The following SH3GL2 variants were observed in gnomAD, a reference collection of about 807,000 sequenced individuals.
The protein encoded by SH3GL2 is endophilin-A1.
A neutral mutation model predicts 46.0 loss-of-function variants in SH3GL2; 24 were observed. The ratio of observed to expected loss-of-function variants is 0.52; its 90% CI spans 0.38 to 0.73. SH3GL2 has a LOEUF of 0.73. Ranked by LOEUF, SH3GL2 falls within the 30% of genes least tolerant of loss-of-function variation. The pLI is 0.00. For synonymous variants in SH3GL2, 196 were observed against 147.1 expected, an observed-to-expected ratio of 1.33 and a Z score of -2.40; for missense variants, 413 against 424.2, an observed-to-expected ratio of 0.97 and a Z score of 0.23.
intron 1 of SH3GL2, among the ~76,000 whole-genome samples, chr9:17,647,018 T>A (rs1819835843): frequency 6.6e-6 from 1 of 151,902 alleles, no homozygotes; most frequent in South Asian, 2.1e-4. Flanking sequence ...GAGATGGGAG[T>A]TTTATCTATA....
chr9:17,684,778 A>G (rs975060731), intron 1 of SH3GL2, among the ~76,000 whole-genome samples: 1 of 152,172 alleles, frequency 6.6e-6, no homozygotes, highest in Non-Finnish European at 1.5e-5. Flanking sequence ...GAATTAGGTA[A>G]GGTTACAGTG....
chr9:17,672,587 A>G (rs1448857251), intron 1 of SH3GL2, among the ~76,000 whole-genome samples: 2 of 152,142 alleles, frequency 1.3e-5, no homozygotes, highest in African/African-American at 4.8e-5. Context: ...CAGGAGGCAA[A>G]TGAGCTGCAA....
intron 1 of SH3GL2, among the ~76,000 whole-genome samples, chr9:17,620,743 C>G (rs192169905): frequency 2.6e-5 from 4 of 152,216 alleles, no homozygotes; most frequent in Admixed American, 2.6e-4. Flanking sequence ...AGGGAGAAGT[C>G]AAGGGTAAAG....
intron 1 of SH3GL2, among the ~76,000 whole-genome samples, chr9:17,658,111 T>TGG (rs1820132730): frequency 6.6e-6 from 1 of 152,226 alleles, no homozygotes; most frequent in African/African-American, 2.4e-5. Context: ...TGCCTCTTTC[T>TGG]GGCATTCAAA....
At chr9:17,765,383 A>G (rs563818150) in intron 3 of SH3GL2, among the ~76,000 whole-genome samples, 1 of 152,212 alleles carries the variant, frequency 6.6e-6, no homozygotes, top group Non-Finnish European at 1.5e-5. Flanking sequence ...GAGCTTACAC[A>G]TGTTTTCTAT....
At chr9:17,667,056 G>A (rs1329847205) in intron 1 of SH3GL2, among the ~76,000 whole-genome samples, 1 of 152,090 alleles carries the variant, frequency 6.6e-6, no homozygotes, top group Admixed American at 6.6e-5. Flanking sequence ...CTTCATTTGT[G>A]AATTGTCTGT....
At chr9:17,709,207 G>C (rs1398704969) in intron 1 of SH3GL2, among the ~76,000 whole-genome samples, 1 of 151,848 alleles carries the variant, frequency 6.6e-6, no homozygotes, top group Non-Finnish European at 1.5e-5. Context: ...GAATCCATTT[G>C]GCCTGAAAAA....
intron 1 of SH3GL2, among the ~76,000 whole-genome samples, chr9:17,595,459 C>T (rs1350218544): frequency 1.3e-5 from 2 of 152,134 alleles, no homozygotes; most frequent in Non-Finnish European, 2.9e-5. Flanking sequence ...AGTATAAGAA[C>T]ATGGATCCCC....
chr9:17,615,408 G>A (rs1818965335), intron 1 of SH3GL2, among the ~76,000 whole-genome samples: 1 of 152,038 alleles, frequency 6.6e-6, no homozygotes, highest in East Asian at 1.9e-4. Flanking sequence ...TATAATCCCA[G>A]CACTTTGAGA....
At chr9:17,593,317 C>T (rs1032481220) in intron 1 of SH3GL2, among the ~76,000 whole-genome samples, 3 of 151,860 alleles carry the variant, frequency 2.0e-5, no homozygotes, top group Admixed American at 6.6e-5. Context: ...GTTGTGGGAC[C>T]GAGCCCTCAA....
intron 1 of SH3GL2, among the ~76,000 whole-genome samples, chr9:17,626,754 C>G (rs1039907920): frequency 6.6e-6 from 1 of 152,214 alleles, no homozygotes; most frequent in Admixed American, 6.5e-5. Flanking sequence ...TTGACAGTCC[C>G]TCTCCAAAGT....
chr9:17,669,378 C>G (rs971650359), intron 1 of SH3GL2, among the ~76,000 whole-genome samples: 18 of 152,164 alleles, frequency 1.2e-4, no homozygotes, highest in African/African-American at 4.3e-4. Flanking sequence ...AGAGCAGTTT[C>G]ATCACTGCAA....
At chr9:17,623,345 G>A (rs145570695) in intron 1 of SH3GL2, among the ~76,000 whole-genome samples, 35 of 152,216 alleles carry the variant, frequency 2.3e-4, no homozygotes, top group Middle Eastern at 6.8e-3. Flanking sequence ...AGAGTTGTGG[G>A]ATATGTGGCC....
At chr9:17,696,876 G>A (rs1821216586) in intron 1 of SH3GL2, among the ~76,000 whole-genome samples, 1 of 152,166 alleles carries the variant, frequency 6.6e-6, no homozygotes, top group African/African-American at 2.4e-5. Context: ...CACATGCATA[G>A]CATATCCATA....
At chr9:17,648,278 G>GA (rs1425862847) in intron 1 of SH3GL2, among the ~76,000 whole-genome samples, 4 of 152,128 alleles carry the variant, frequency 2.6e-5, no homozygotes, top group Non-Finnish European at 5.9e-5. Flanking sequence ...GTGCTTGAGG[G>GA]AAAAGAACAT....
At chr9:17,772,594 A>G (rs1432471539) in intron 3 of SH3GL2, among the ~76,000 whole-genome samples, 2 of 152,146 alleles carry the variant, frequency 1.3e-5, no homozygotes, top group Admixed American at 1.3e-4. Context: ...ATCACATAGC[A>G]TTTGTCTTTT....
chr9:17,787,999 G>C (rs892060855), intron 5 of SH3GL2, among the ~76,000 whole-genome samples: 15 of 152,206 alleles, frequency 9.9e-5, no homozygotes, highest in Non-Finnish European at 1.6e-4. Context: ...ATGGTTGTTA[G>C]GATTGAGGAA....
At chr9:17,612,240 T>C (rs1371090215) in intron 1 of SH3GL2, among the ~76,000 whole-genome samples, 1 of 152,156 alleles carries the variant, frequency 6.6e-6, no homozygotes, top group African/African-American at 2.4e-5. Context: ...GGAAAAGCCC[T>C]TCCGGGAGTG....
chr9:17,759,000 A>G (rs1017288462), intron 2 of SH3GL2, among the ~76,000 whole-genome samples: 1 of 152,152 alleles, frequency 6.6e-6, no homozygotes, highest in African/African-American at 2.4e-5. Context: ...CTTCCCTGAG[A>G]CCACTGGCTT....
Sources: gnomAD v4.1 joint callset for allele counts (sites outside exome capture counted in the v4.1 genomes callset) on GRCh38, gnomAD v4.1.1 for gene constraint, MANE v1.5 for transcripts, NCBI Gene and HGNC (gene_info 2026-07-23, HGNC 2026-07-21) for gene names.